Variants in DNAH8 observed in about 807,000 individuals in gnomAD.
DNAH8 encodes dynein axonemal heavy chain 8, also known as axonemal beta dynein heavy chain 8.
In DNAH8, 382 loss-of-function variants were observed where a neutral mutation model predicts 562.1. That is an observed-to-expected ratio of 0.68 (90% CI 0.63 to 0.74). DNAH8 has a LOEUF of 0.74. DNAH8 is among the 30% of genes least tolerant of loss of function. The pLI is 0.00. For missense variants in DNAH8, 5,203 were observed against 5,620.4 expected, an observed-to-expected ratio of 0.93 and a Z score of 2.37; for synonymous variants, 1,881 against 1,919.4, an observed-to-expected ratio of 0.98 and a Z score of 0.52.
At chr6:38,861,597 G>A (rs919233683) in intron 43 of DNAH8, among the ~76,000 whole-genome samples, 8 of 152,090 alleles carry the variant, frequency 5.3e-5, no homozygotes, top group African/African-American at 9.7e-5. Context: ...TTGCTCTGTC[G>A]CCCAGGCTGG....
chr6:38,875,186 C>T (rs1338864333), intron 52 of DNAH8, among the ~76,000 whole-genome samples: 12 of 152,210 alleles, frequency 7.9e-5, no homozygotes, highest in Admixed American at 7.9e-4. Flanking sequence ...CCACAGTTTG[C>T]TAAGTCCTGC....
chr6:38,879,876 A>G (rs1424004556), intron 53 of DNAH8, among the ~76,000 whole-genome samples: 1 of 152,210 alleles, frequency 6.6e-6, no homozygotes, highest in Non-Finnish European at 1.5e-5. Flanking sequence ...CATACATTTG[A>G]TAAGTTATAT....
chr6:38,754,597 T>C lies in DNAH8; in HGVS notation c.1408-1375T>C, dbSNP rs550875347. ...TATATATTTTATCTTGTCTTATCAA[T>C]TAAAAGGAAAGTTCCTTGAAGGGAG... On this transcript the variant is annotated intron_variant, in intron 9 of 92. Coordinates refer to ENST00000327475, the MANE Select transcript of DNAH8 (RefSeq NM_001206927.2). Among the ~76,000 whole-genome samples the C allele has an allele frequency of 3.9e-5, 6 of 152,250 alleles. No individual in the cohort carries two copies. In the South Asian group the frequency reaches 1.2e-3, roughly 32 times the overall value.
chr6:38,966,407 A>T (rs1561923271), intron 82 of DNAH8, among the ~76,000 whole-genome samples: 1 of 152,186 alleles, frequency 6.6e-6, no homozygotes, highest in Non-Finnish European at 1.5e-5. Context: ...TTCTAGCAAA[A>T]TTTTAAAGAA....
At chr6:39,016,478 G>T (rs1189691822) in intron 91 of DNAH8, among the ~76,000 whole-genome samples, 1 of 151,624 alleles carries the variant, frequency 6.6e-6, no homozygotes, top group African/African-American at 2.4e-5. Flanking sequence ...GTGAACCTAG[G>T]AGGCGGAGCT....
At position 38,984,327 on chromosome 6, in the gene DNAH8, T is replaced by C. The variant is rs1309881970; in HGVS notation, c.13053+20T>C. ...GCCAGAGTAAGTCAATTTAGAAAAA[T>C]AAAGTTTGGAGACACATTTCACTGT... On this transcript the variant is annotated intron_variant, in intron 87 of 92. Transcript: ENST00000327475. The C allele has an allele frequency of 1.3e-6, 2 of 1,524,332 alleles. No individual in the cohort carries two copies. Among genetic ancestry groups the C allele is most frequent in the East Asian group, 2.3e-5 (1 of 44,370 alleles). The allele number at this position is 1,524,332 out of a possible 1,614,324, so 94.4% of individuals were successfully genotyped here.
rs150772151 is a variant in DNAH8, at chr6:38,744,635, T to G, written c.1293+2748T>G. Among the ~76,000 whole-genome samples, 17 of 152,264 alleles carry G rather than the reference T, an allele frequency of 1.1e-4. 1 individual carries two copies. In the East Asian group the frequency reaches 1.9e-3, roughly 17 times the overall value. Reference sequence around the variant, plus strand: ...TTGAGACAGGCTTCTCTTCGTCACTTAGGCTGGAGTGCAGTGGCACTATCA... The same window carrying G: ...TTGAGACAGGCTTCTCTTCGTCACTGAGGCTGGAGTGCAGTGGCACTATCA... On this transcript the variant is annotated intron_variant, in intron 8 of 92. Coordinates refer to ENST00000327475, the MANE Select transcript of DNAH8 (RefSeq NM_001206927.2).
intron 24 of DNAH8, among the ~76,000 whole-genome samples, chr6:38,811,156 A>T (rs900298250): frequency 6.6e-6 from 1 of 152,180 alleles, no homozygotes; most frequent in Non-Finnish European, 1.5e-5. Flanking sequence ...TGCTAGAAAA[A>T]ACCTCAGCAA....
At chr6:38,746,086 G>A (rs1281587367) in intron 8 of DNAH8, among the ~76,000 whole-genome samples, 1 of 152,100 alleles carries the variant, frequency 6.6e-6, no homozygotes, top group Admixed American at 6.5e-5. Context: ...GCCAATGGTG[G>A]TTTTCTAGTT....
intron 12 of DNAH8, among the ~76,000 whole-genome samples, chr6:38,775,029 T>C (rs1256917499): frequency 6.6e-6 from 1 of 152,162 alleles, no homozygotes; most frequent in African/African-American, 2.4e-5. Flanking sequence ...GTCTTCATGG[T>C]GTGTGTGGTA....
intron 23 of DNAH8, 28 bp from the exon 24 acceptor site, chr6:38,807,582 C>A (rs760989984): frequency 1.5e-6 from 2 of 1,312,104 alleles, no homozygotes; most frequent in Middle Eastern, 1.9e-4. Flanking sequence ...AGGAGAGATA[C>A]CAAATTTAAT....
chr6:38,917,072 C>T (rs781747224), intron 68 of DNAH8, among the ~76,000 whole-genome samples, 167 bp from the exon 69 acceptor site: 17 of 152,096 alleles, frequency 1.1e-4, no homozygotes, highest in Non-Finnish European at 2.4e-4. Context: ...TACAAATAAA[C>T]ACAAATACCA....
intron 11 of DNAH8, among the ~76,000 whole-genome samples, chr6:38,766,513 G>A (rs932327873): frequency 1.3e-5 from 2 of 152,102 alleles, no homozygotes; most frequent in African/African-American, 4.8e-5. Flanking sequence ...TTGAGACAAG[G>A]TCTGGCTCTG....
chr6:38,833,286 C>T (rs1450380354), intron 31 of DNAH8, among the ~76,000 whole-genome samples: 1 of 151,832 alleles, frequency 6.6e-6, no homozygotes, highest in Non-Finnish European at 1.5e-5. Context: ...TGATTTGCTG[C>T]CTCATTCTAT....
rs58784448 is a variant in DNAH8, at chr6:38,772,971, C to CTTTTTTTTTTTTTTTTTTTT, written c.1764+2420_1764+2439dup. Among the ~76,000 whole-genome samples, 116 of 88,080 alleles carry CTTTTTTTTTTTTTTTTTTTT rather than the reference C, an allele frequency of 1.3e-3. 11 individuals are homozygous for CTTTTTTTTTTTTTTTTTTTT. Among genetic ancestry groups the CTTTTTTTTTTTTTTTTTTTT allele is most frequent in the Non-Finnish European group, 1.5e-3 (74 of 47,952 alleles). The allele number at this position is 88,080 out of a possible 152,430, so 57.8% of individuals were successfully genotyped here. ...ATACCACCATGCCTAGCTAATTAAA[C>CTTTTTTTTTTTTTTTTTTTT]TTTTTTTTTTTTTTTTTTTTTTTTT... On this transcript the variant is annotated intron_variant, in intron 12 of 92. Coordinates refer to ENST00000327475, the MANE Select transcript of DNAH8 (RefSeq NM_001206927.2).
At chr6:38,947,505 G>A (rs1421458271) in intron 80 of DNAH8, among the ~76,000 whole-genome samples, 1 of 152,202 alleles carries the variant, frequency 6.6e-6, no homozygotes, top group Non-Finnish European at 1.5e-5. Context: ...AAGCTCTACT[G>A]TGGTCAAGTC....
chr6:38,947,205 C>T (rs563794208), intron 80 of DNAH8, among the ~76,000 whole-genome samples: 2 of 152,342 alleles, frequency 1.3e-5, no homozygotes, highest in African/African-American at 4.8e-5. Flanking sequence ...TCCTCTTACA[C>T]CACCGATTGG....
At position 38,875,594 on chromosome 6, in the gene DNAH8, C is replaced by G. The variant is rs771169521; in HGVS notation, c.7624C>G (p.Leu2542Val). ...ATTTTATTTGAAACATTTTCAGTCT[C>G]TCAATCTTCTGGAAGGGTTAATTCC... ...LLECNYIVQSLNLLEGLIPSK... is the reference protein window; with the variant it reads ...LLECNYIVQSVNLLEGLIPSK... The change falls in exon 53 of 93, where the codon CTC becomes GTC. Residue 2542 changes from leucine to valine, a missense_variant. Leu to Val is a conservative substitution (Grantham distance 32). This residue lies in a region of DNAH8 where 977 missense variants were observed against 1,061.8 expected (regional missense o/e 0.92). Transcript: ENST00000327475. The G allele has an allele frequency of 5.2e-6, 8 of 1,539,392 alleles. No individual in the cohort carries two copies. The highest frequency in any genetic ancestry group is 6.2e-6 in the Non-Finnish European group (7 of 1,135,816).
At chr6:38,788,650 T>A (rs1769413651) in intron 18 of DNAH8, among the ~76,000 whole-genome samples, 1 of 152,238 alleles carries the variant, frequency 6.6e-6, no homozygotes, top group Non-Finnish European at 1.5e-5. Flanking sequence ...TTTTTTTAGT[T>A]ATAAAGTTCA....
Sources: allele counts gnomAD v4.1 joint callset (sites outside exome capture counted in the v4.1 genomes callset), GRCh38; gene constraint gnomAD v4.1.1; regional missense constraint gnomAD v4.1.1; transcripts MANE v1.5; gene names NCBI Gene and HGNC (gene_info 2026-07-23, HGNC 2026-07-21).